The following LSP1 variants were observed in gnomAD, a reference collection of about 807,000 sequenced individuals.
The protein encoded by LSP1 is lymphocyte-specific protein 1.
Under a neutral mutation model 49.3 loss-of-function variants are expected in LSP1, and 32 were observed. The observed-to-expected ratio is 0.65, with a 90% confidence interval of 0.49 to 0.87. LSP1 has a LOEUF of 0.87. Among genes scored for constraint, LSP1 ranks in the 40% least tolerant of loss-of-function variants. LSP1 has a pLI of 0.00. For synonymous variants in LSP1, 179 were observed against 178.8 expected (o/e 1.00, Z -0.01); for missense variants, 428 against 442.6 (o/e 0.97, Z 0.30).
At chr11:1,890,282 G>A (rs1589836518) in intron 10 of LSP1, 5 of 712,412 alleles carry the variant, frequency 7.0e-6, no homozygotes, top group South Asian at 3.0e-5. Flanking sequence ...GAGCCTCGGC[G>A]GGGCGTGGGG....
chr11:1,880,330 G>A, intron 2 of LSP1, 106 bp downstream of exon 2: 1 of 1,338,422 alleles, frequency 7.5e-7, no homozygotes, highest in South Asian at 1.7e-5. Context: ...TTCCAGTGCA[G>A]GATGAGAGCG....
At chr11:1,885,561 C>A (rs1478592008) in intron 7 of LSP1, among the ~76,000 whole-genome samples, 2 of 151,794 alleles carry the variant, frequency 1.3e-5, no homozygotes, top group Non-Finnish European at 2.9e-5. Flanking sequence ...TCCATCCAAC[C>A]AAAATAGTTT....
intron 1 of LSP1, among the ~76,000 whole-genome samples, chr11:1,858,770 G>A (rs1368499603): frequency 1.3e-5 from 2 of 152,228 alleles, no homozygotes; most frequent in South Asian, 2.1e-4. Flanking sequence ...GGTTGGAGGG[G>A]CTGCATGGGG....
intron 10 of LSP1, chr11:1,890,360 G>C: frequency 1.4e-6 from 1 of 716,498 alleles, no homozygotes; most frequent in South Asian, 1.5e-5. Context: ...TGACCTCCTG[G>C]TCATGGCTGG....
chr11:1,870,637 G>T, intron 1 of LSP1: 1 of 1,089,188 alleles, frequency 9.2e-7, no homozygotes, highest in Non-Finnish European at 1.1e-6. Context: ...CTTCTCTCTG[G>T]GTGCCGGCTG....
At position 1,866,941 on chromosome 11, in the gene LSP1, A is replaced by G. The variant is rs149643928; in HGVS notation, c.54-13146A>G. The G allele has an allele frequency of 7.2e-4, 1,059 of 1,479,378 alleles. 3 individuals are homozygous for G. Among genetic ancestry groups the G allele is most frequent in the Middle Eastern group, 3.2e-3 (17 of 5,358 alleles). The allele number at this position is 1,479,378 out of a possible 1,614,324, so 91.6% of individuals were successfully genotyped here. ...GCAAGCCGCACTCAGGAGGCACTGA[A>G]ACCGTGTGGGCCCAGGCTCGGGGCC... On this transcript the variant is annotated intron_variant, in intron 1 of 10. Coordinates refer to ENST00000311604, the MANE Select transcript of LSP1 (RefSeq NM_002339.3).
At chr11:1,853,867 C>T (rs1305773045) in intron 1 of LSP1, among the ~76,000 whole-genome samples, 1 of 152,176 alleles carries the variant, frequency 6.6e-6, no homozygotes, top group Non-Finnish European at 1.5e-5. Flanking sequence ...CAGAAAAACC[C>T]CGCTGCCAAA....
At chr11:1,873,197 G>A (rs1257485950) in intron 1 of LSP1, among the ~76,000 whole-genome samples, 2 of 151,866 alleles carry the variant, frequency 1.3e-5, no homozygotes, top group Admixed American at 1.3e-4. Flanking sequence ...GCGGGTGGGG[G>A]GCGGCTCTGT....
At chr11:1,883,170 C>T (rs74047633) in intron 3 of LSP1, among the ~76,000 whole-genome samples, 11,813 of 152,218 alleles carry the variant, frequency 0.078, 657 homozygotes, top group African/African-American at 0.15. Context: ...TCTGTAGAGC[C>T]CTGTCTGGCA....
chr11:1,853,565 GT>G (rs1162725809), intron 1 of LSP1, among the ~76,000 whole-genome samples: 1 of 152,204 alleles, frequency 6.6e-6, no homozygotes, highest in African/African-American at 2.4e-5. Context: ...AAGAGGCAAG[GT>G]GGGGGCTGGG....
chr11:1,886,582 C>A (rs1423453792), intron 7 of LSP1, 150 bp from the exon 8 acceptor site: 3 of 875,290 alleles, frequency 3.4e-6, no homozygotes, highest in Non-Finnish European at 3.5e-6. Context: ...GAAGGCTCAT[C>A]TTTCCAGTGA....
Position 1,887,525 on chromosome 11 carries a change from T to G in LSP1, c.982T>G (p.Tyr328Asp), listed in dbSNP as rs1409361986. Residue 328 changes from tyrosine (Y) to aspartate (D), a missense_variant, in exon 10 of 11, where the codon TAT becomes GAT. Tyr to Asp is a radical substitution (Grantham distance 160). Coordinates refer to ENST00000311604, the MANE Select transcript of LSP1 (RefSeq NM_002339.3). ...GTTTGTGGCCACCGGGCATGGGAAG[T>G]ATGAGAAGGTGCTTGTGGAAGGGGG... ...YKFVATGHGK[Y>D]EKVLVEGGPA... is the part of the protein sequence containing the mutation. 6.2e-7 allele frequency: 1 copy of G among 1,613,520 alleles called. No homozygotes were observed. The highest frequency in any genetic ancestry group is 8.5e-7 in the Non-Finnish European group (1 of 1,179,904).
intron 1 of LSP1, chr11:1,865,140 G>A: frequency 1.0e-6 from 1 of 962,202 alleles, no homozygotes; most frequent in African/African-American, 1.8e-5. Flanking sequence ...GAGCCTTTGA[G>A]ATGCTGCTCT....
chr11:1,873,888 C>CAGGGAGGCCGGCAGAGG (rs1848162554), intron 1 of LSP1, among the ~76,000 whole-genome samples: 4 of 37,384 alleles, frequency 1.1e-4, no homozygotes, highest in African/African-American at 1.2e-4. Context: ...GCTGGCAGAG[C>CAGGGAGGCCGGCAGAGG]AGGGAGCCCG....
rs768294917 is a variant in LSP1, at chr11:1,881,492, G to T, written c.252G>T (p.Trp84Cys). 6.3e-7 allele frequency: 1 copy of T among 1,577,636 alleles called. No individual in the cohort carries two copies. Among genetic ancestry groups the T allele is most frequent in the Admixed American group, 1.8e-5 (1 of 54,716 alleles). The change falls in exon 3 of 11, where the codon TGG (tryptophan) becomes TGT (cysteine). Residue 84 changes from tryptophan (W) to cysteine (C), a missense_variant. Transcript: ENST00000311604. ...ELDEDEGFGD[W>C]SQRPEQRQQH... ...ATGAGGACGAGGGCTTTGGCGACTG[G>T]TCCCAGAGGCCAGAGCAGCGGCAGC...
intron 1 of LSP1, chr11:1,866,688 G>T: frequency 6.4e-7 from 1 of 1,550,532 alleles, no homozygotes; most frequent in Non-Finnish European, 8.7e-7. Context: ...CCCAGGGGAC[G>T]CTGCTGTCCA....
rs530574816 is a variant in LSP1 at position 1,886,919 on chromosome 11, T to C, written c.852+53T>C. On this transcript the variant is annotated intron_variant, in intron 8 of 10. Transcript: ENST00000311604. ...GGCTGCAGAGCCAGCGCCTGGGAGT[T>C]TAGTAGCAGGCCGGGTTTCCTTGTT... 373 of 1,583,424 alleles carry C rather than the reference T, an allele frequency of 2.4e-4. 8 individuals are homozygous for C. In the South Asian group the frequency reaches 4.0e-3, roughly 17 times the overall value.
intron 1 of LSP1, among the ~76,000 whole-genome samples, chr11:1,855,184 AG>A (rs1465510737): frequency 6.6e-6 from 1 of 152,188 alleles, no homozygotes; most frequent in Non-Finnish European, 1.5e-5. Flanking sequence ...CCAGTGGGGT[AG>A]GCTTCTCATT....
chr11:1,878,996 G>A (rs1011261454), intron 1 of LSP1, among the ~76,000 whole-genome samples: 2 of 152,130 alleles, frequency 1.3e-5, no homozygotes, highest in African/African-American at 4.8e-5. Flanking sequence ...AAGAAGCCAT[G>A]GTTTCAGGCT....
Sources: gnomAD v4.1 joint callset for allele counts (sites outside exome capture counted in the v4.1 genomes callset) on GRCh38, gnomAD v4.1.1 for gene constraint, MANE v1.5 for transcripts, NCBI Gene and HGNC (gene_info 2026-07-23, HGNC 2026-07-21) for gene names.